The following PLEKHM3 variants were observed in gnomAD, a reference collection of about 807,000 sequenced individuals.
PLEKHM3 encodes pleckstrin homology domain containing M3.
A neutral mutation model predicts 81.8 loss-of-function variants in PLEKHM3; 45 were observed. That is an observed-to-expected ratio of 0.55 (90% confidence interval 0.43 to 0.71). The LOEUF is 0.71. PLEKHM3 is among the 30% of genes least tolerant of loss of function. The pLI is 0.00. For synonymous variants in PLEKHM3, 352 were observed against 356.4 expected, an observed-to-expected ratio of 0.99 and a Z score of 0.14; for missense variants, 788 against 924.3, an observed-to-expected ratio of 0.85 and a Z score of 1.91.
At chr2:207,971,878 T>G (rs1303411696) in intron 3 of PLEKHM3, among the ~76,000 whole-genome samples, 1 of 152,232 alleles carries the variant, frequency 6.6e-6, no homozygotes, top group Middle Eastern at 3.2e-3. Context: ...CTTCTGTGAC[T>G]TCAGGGTCAA....
intron 3 of PLEKHM3, among the ~76,000 whole-genome samples, chr2:207,952,660 A>G (rs185365043): frequency 3.3e-4 from 50 of 152,372 alleles, no homozygotes; most frequent in Non-Finnish European, 4.4e-4. Flanking sequence ...CACAGGGCAC[A>G]AGCAATTTTT....
chr2:207,897,946 G>T (rs1688279563), intron 6 of PLEKHM3, among the ~76,000 whole-genome samples: 1 of 152,150 alleles, frequency 6.6e-6, no homozygotes, highest in Admixed American at 6.5e-5. Flanking sequence ...TTGCTGCCCT[G>T]ACCTTGCAAA....
intron 3 of PLEKHM3, among the ~76,000 whole-genome samples, chr2:207,958,221 T>C (rs1690587819): frequency 6.6e-6 from 1 of 152,066 alleles, no homozygotes; most frequent in African/African-American, 2.4e-5. Flanking sequence ...GTAGGTTAAA[T>C]TAGTGTCATG....
At chr2:207,895,341 TG>T (rs1367227115) in intron 6 of PLEKHM3, among the ~76,000 whole-genome samples, 9 of 152,178 alleles carry the variant, frequency 5.9e-5, no homozygotes, top group Non-Finnish European at 1.2e-4. Context: ...GTCTGCCAGA[TG>T]ATCAGTCCCT....
At chr2:208,005,657 A>G (rs1692470576) in intron 1 of PLEKHM3, among the ~76,000 whole-genome samples, 1 of 152,134 alleles carries the variant, frequency 6.6e-6, no homozygotes, top group Non-Finnish European at 1.5e-5. Context: ...TTTTTCCTTA[A>G]GCATTTGCCA....
intron 4 of PLEKHM3, among the ~76,000 whole-genome samples, chr2:207,940,378 G>A (rs1386064643): frequency 6.6e-6 from 1 of 152,172 alleles, no homozygotes; most frequent in African/African-American, 2.4e-5. Flanking sequence ...GCTAGGCACT[G>A]TTCTAATCAT....
intron 7 of PLEKHM3, among the ~76,000 whole-genome samples, chr2:207,840,650 C>T (rs529057339): frequency 1.3e-5 from 2 of 152,210 alleles, no homozygotes; most frequent in South Asian, 4.1e-4. Flanking sequence ...ATGTCCTCTG[C>T]CCATTTTCTA....
At chr2:207,853,024 T>G (rs1457101156) in intron 7 of PLEKHM3, among the ~76,000 whole-genome samples, 1 of 152,176 alleles carries the variant, frequency 6.6e-6, no homozygotes, top group Non-Finnish European at 1.5e-5. Context: ...TTCATAGAAC[T>G]GCCTACTGGC....
chr2:207,946,305 C>A (rs1317959605), intron 4 of PLEKHM3, 62 bp downstream of exon 4: 1 of 1,531,124 alleles, frequency 6.5e-7, no homozygotes, highest in African/African-American at 1.4e-5. Flanking sequence ...CTTTATAATC[C>A]ACCTGAGAAC....
chr2:207,992,301 C>T (rs1464658367), intron 2 of PLEKHM3, among the ~76,000 whole-genome samples: 1 of 152,160 alleles, frequency 6.6e-6, no homozygotes, highest in Non-Finnish European at 1.5e-5. Context: ...TCAGTTTCCT[C>T]ATTTGTAGAA....
At position 208,013,890 on chromosome 2, in the gene PLEKHM3, C is replaced by T. The variant is rs116616253; in HGVS notation, c.-319+11499G>A. Among the ~76,000 whole-genome samples, 913 of 152,324 alleles carry T rather than the reference C, an allele frequency of 6.0e-3. 14 individuals are homozygous for T. The highest frequency in any genetic ancestry group is 0.021 in the African/African-American group (874 of 41,574). The stretch of plus-strand genomic sequence containing the variant: ...ACTCTCACAAACCAGTTTCTATGGG[C>T]ATTCAGAGTAAATGTATGAGAGAAG... On this transcript the variant is annotated intron_variant, in intron 1 of 7. Transcript: ENST00000427836.
intron 1 of PLEKHM3, among the ~76,000 whole-genome samples, chr2:208,004,508 G>A (rs1249854156): frequency 6.6e-6 from 1 of 152,126 alleles, no homozygotes; most frequent in African/African-American, 2.4e-5. Context: ...TAGACTGTTA[G>A]ACAAGGAAAT....
At chr2:207,972,547 A>G (rs926347888) in intron 3 of PLEKHM3, among the ~76,000 whole-genome samples, 1 of 149,986 alleles carries the variant, frequency 6.7e-6, no homozygotes, top group Non-Finnish European at 1.5e-5. Context: ...AGATCATAAC[A>G]CTGCACTCCA....
At chr2:208,014,154 A>T (rs547179755) in intron 1 of PLEKHM3, among the ~76,000 whole-genome samples, 2 of 152,314 alleles carry the variant, frequency 1.3e-5, no homozygotes, top group South Asian at 2.1e-4. Context: ...TCAGCCTCTT[A>T]ACCAATTTAG....
intron 2 of PLEKHM3, 83 bp from the exon 3 acceptor site, chr2:207,977,669 A>C: frequency 4.1e-6 from 5 of 1,227,742 alleles, no homozygotes; most frequent in Non-Finnish European, 3.4e-6. Context: ...ATCAGGGCAC[A>C]AGAAACCACA....
intron 5 of PLEKHM3, 50 bp downstream of exon 5, chr2:207,930,876 G>T: frequency 6.3e-7 from 1 of 1,589,846 alleles, no homozygotes; most frequent in Non-Finnish European, 8.6e-7. Context: ...CACCCTCCGT[G>T]GGCGGGAAAG....
chr2:207,922,587 C>T (rs988873935), intron 5 of PLEKHM3, among the ~76,000 whole-genome samples: 59 of 152,074 alleles, frequency 3.9e-4, no homozygotes, highest in African/African-American at 1.2e-3. Context: ...CCGAGGCGGG[C>T]GGATCACGAG....
At chr2:207,897,096 A>T (rs1688249494) in intron 6 of PLEKHM3, among the ~76,000 whole-genome samples, 2 of 152,184 alleles carry the variant, frequency 1.3e-5, no homozygotes, top group Admixed American at 6.5e-5. Flanking sequence ...CTATGGAGCC[A>T]CTGGGGAGGT....
chr2:207,828,519 T>TG, intron 7 of PLEKHM3, 23 bp from the exon 8 acceptor site: 1 of 1,609,720 alleles, frequency 6.2e-7, no homozygotes, highest in Non-Finnish European at 8.5e-7. Flanking sequence ...ACCATGGATA[T>TG]GATGAGCAAG....
Sources: allele counts gnomAD v4.1 joint callset (sites outside exome capture counted in the v4.1 genomes callset), GRCh38; gene constraint gnomAD v4.1.1; transcripts MANE v1.5; gene names NCBI Gene and HGNC (gene_info 2026-07-23, HGNC 2026-07-21).